CDH13: variants seen among roughly 807,000 people sequenced by gnomAD.
The protein encoded by CDH13 is cadherin-13.
Under a neutral mutation model 63.8 loss-of-function variants are expected in CDH13, and 24 were observed. The observed-to-expected ratio is 0.38, with a 90% confidence interval of 0.27 to 0.53. The LOEUF is 0.53. Among genes scored for constraint, CDH13 ranks in the 20% least tolerant of loss-of-function variants. CDH13 has a pLI of 0.85. For synonymous variants in CDH13, 503 were observed against 355.3 expected (o/e 1.42, Z -4.67); for missense variants, 1,049 against 903.1 (o/e 1.16, Z -2.07).
intron 11 of CDH13, among the ~76,000 whole-genome samples, chr16:83,753,939 C>G (rs1450223905): frequency 8.1e-6 from 1 of 123,678 alleles, no homozygotes; most frequent in African/African-American, 3.9e-5. Context: ...AAAGTCATTT[C>G]AAAAAGAAAA....
At chr16:83,460,050 T>A (rs957897320) in intron 6 of CDH13, among the ~76,000 whole-genome samples, 3 of 152,172 alleles carry the variant, frequency 2.0e-5, no homozygotes, top group Non-Finnish European at 2.9e-5. Context: ...AAAGAACTTC[T>A]AAACTCAATA....
At chr16:83,014,585 T>A (rs925980961) in intron 2 of CDH13, among the ~76,000 whole-genome samples, 38 of 150,478 alleles carry the variant, frequency 2.5e-4, no homozygotes, top group Non-Finnish European at 7.4e-5. Context: ...AATAAAAAAT[T>A]AGCCGAGTGG....
chr16:83,655,166 C>G (rs1912758048), intron 8 of CDH13: 1 of 152,264 alleles, frequency 6.6e-6, no homozygotes, highest in Admixed American at 6.5e-5. Context: ...TGGCAAATCT[C>G]TCACCTTGAT....
At chr16:83,615,875 A>G (rs1481279037) in intron 8 of CDH13, among the ~76,000 whole-genome samples, 2 of 152,136 alleles carry the variant, frequency 1.3e-5, no homozygotes, top group Non-Finnish European at 2.9e-5. Flanking sequence ...AACCGCCAAC[A>G]CCTTCATTTC....
chr16:82,806,893 T>C (rs1218849347), intron 1 of CDH13, among the ~76,000 whole-genome samples: 1 of 152,160 alleles, frequency 6.6e-6, no homozygotes, highest in Non-Finnish European at 1.5e-5. Flanking sequence ...TTGCAAAGAA[T>C]AATATGCTCT....
chr16:83,242,157 T>C (rs955945265), intron 5 of CDH13, among the ~76,000 whole-genome samples: 3 of 152,220 alleles, frequency 2.0e-5, no homozygotes, highest in Admixed American at 6.5e-5. Context: ...GGTTTATTTC[T>C]AGGTTCTCTA....
chr16:83,098,844 A>C (rs971975591), intron 3 of CDH13, among the ~76,000 whole-genome samples: 7 of 152,152 alleles, frequency 4.6e-5, no homozygotes, highest in African/African-American at 1.7e-4. Flanking sequence ...TTGAGTGGAG[A>C]ATCAAGGGAA....
intron 5 of CDH13, among the ~76,000 whole-genome samples, chr16:83,272,906 G>C (rs2088869047): frequency 6.6e-6 from 1 of 152,170 alleles, no homozygotes; most frequent in African/African-American, 2.4e-5. Context: ...CTAATGATGA[G>C]TTTGCTGGAA....
chr16:83,008,061 C>G (rs967283105), intron 2 of CDH13, among the ~76,000 whole-genome samples: 56 of 152,196 alleles, frequency 3.7e-4, no homozygotes, highest in African/African-American at 1.3e-3. Context: ...GGAAATCAAC[C>G]CATTCCTTCA....
chr16:83,313,640 T>C (rs560343488), intron 5 of CDH13, among the ~76,000 whole-genome samples: 1 of 133,604 alleles, frequency 7.5e-6, no homozygotes, highest in African/African-American at 2.8e-5. Context: ...ACCCTTACCA[T>C]TGTAAAAAAA....
At chr16:82,715,609 A>G (rs149414005) in intron 1 of CDH13, among the ~76,000 whole-genome samples, 84 of 152,246 alleles carry the variant, frequency 5.5e-4, no homozygotes, top group East Asian at 4.6e-3. Context: ...AGGAATTTCT[A>G]TATTTGCTAA....
chr16:83,211,807 A>C (rs1248323001), intron 4 of CDH13, among the ~76,000 whole-genome samples: 1 of 151,962 alleles, frequency 6.6e-6, no homozygotes. Flanking sequence ...GGTATGAGGC[A>C]AGACTCCTGT....
chr16:83,000,092 T>C (rs1186197852), intron 2 of CDH13, among the ~76,000 whole-genome samples: 3 of 152,120 alleles, frequency 2.0e-5, no homozygotes, highest in African/African-American at 7.2e-5. Context: ...AACCCTGGTC[T>C]ATACAGGGTG....
At chr16:83,768,921 A>T (rs1226132737) in intron 11 of CDH13, among the ~76,000 whole-genome samples, 1 of 152,072 alleles carries the variant, frequency 6.6e-6, no homozygotes, top group Non-Finnish European at 1.5e-5. Flanking sequence ...GTGACTTAGA[A>T]TGCCTTAACC....
chr16:83,445,011 T>C (rs1156930300), intron 6 of CDH13, among the ~76,000 whole-genome samples: 2 of 151,784 alleles, frequency 1.3e-5, no homozygotes, highest in Non-Finnish European at 2.9e-5. Flanking sequence ...AGGGCTGGGA[T>C]TTTTTTCAAA....
intron 1 of CDH13, among the ~76,000 whole-genome samples, chr16:82,830,861 A>G (rs2156): frequency 1.3e-5 from 2 of 152,080 alleles, no homozygotes; most frequent in Non-Finnish European, 2.9e-5. Flanking sequence ...TGGTACTTCT[A>G]TGTGACAAGA....
intron 2 of CDH13, among the ~76,000 whole-genome samples, chr16:82,919,740 G>A (rs151178149): frequency 0.014 from 2,101 of 152,272 alleles, 27 homozygotes; most frequent in Middle Eastern, 0.027. Flanking sequence ...AACTTAAGCC[G>A]CGGTATAATT....
At chr16:83,433,715 G>A (rs1366968251) in intron 6 of CDH13, among the ~76,000 whole-genome samples, 4 of 152,160 alleles carry the variant, frequency 2.6e-5, no homozygotes, top group African/African-American at 4.8e-5. Flanking sequence ...GTGGCAAACA[G>A]GCTGATGTAG....
chr16:83,033,319 G>C (rs1177395128), intron 3 of CDH13, among the ~76,000 whole-genome samples: 9 of 151,416 alleles, frequency 5.9e-5, no homozygotes, highest in Non-Finnish European at 1.2e-4. Context: ...TATATACGGT[G>C]TATATGTATG....
Sources: allele counts gnomAD v4.1 joint callset (sites outside exome capture counted in the v4.1 genomes callset), GRCh38; gene constraint gnomAD v4.1.1; transcripts MANE v1.5; gene names NCBI Gene and HGNC (gene_info 2026-07-23, HGNC 2026-07-21).